CSMD1: variants seen among roughly 807,000 people sequenced by gnomAD.
CSMD1 encodes the protein CUB and Sushi multiple domains 1, also known as CUB and sushi domain-containing protein 1.
A neutral mutation model predicts 417.5 loss-of-function variants in CSMD1; 213 were observed. That is an observed-to-expected ratio of 0.51 (90% confidence interval 0.46 to 0.57). The LOEUF (loss-of-function observed/expected upper bound fraction) is 0.57. CSMD1 is among the 20% of genes least tolerant of loss of function. The probability of loss-of-function intolerance (pLI) is 0.00; values close to 1 mark genes in which losing one functional copy is unlikely to be tolerated. For synonymous variants in CSMD1, 2,862 were observed against 1,736.8 expected, an observed-to-expected ratio of 1.65 and a Z score of -16.11; for missense variants, 6,923 against 4,529.7, an observed-to-expected ratio of 1.53 and a Z score of -15.17.
At chr8:3,853,403 A>G (rs866405032) in intron 5 of CSMD1, among the ~76,000 whole-genome samples, 79 of 152,294 alleles carry the variant, frequency 5.2e-4, no homozygotes, top group African/African-American at 1.8e-3. Context: ...AGCACGCTCT[A>G]TAATTTACTT....
chr8:4,027,736 C>T (rs1006567075), intron 4 of CSMD1, among the ~76,000 whole-genome samples: 1 of 151,974 alleles, frequency 6.6e-6, no homozygotes, highest in Non-Finnish European at 1.5e-5. Flanking sequence ...AAACTTGAAG[C>T]CAGTCTGTTT....
At chr8:4,029,954 T>A (rs998910373) in intron 4 of CSMD1, among the ~76,000 whole-genome samples, 3 of 152,174 alleles carry the variant, frequency 2.0e-5, no homozygotes, top group Non-Finnish European at 4.4e-5. Flanking sequence ...GGCAGTCAAA[T>A]CTTAAAGCTC....
chr8:3,498,258 T>G (rs146770972), intron 10 of CSMD1, among the ~76,000 whole-genome samples: 1 of 152,232 alleles, frequency 6.6e-6, no homozygotes, highest in African/African-American at 2.4e-5. Flanking sequence ...TTTTTTATTA[T>G]GTATTTATAT....
chr8:2,986,722 T>C (rs2128944142), intron 54 of CSMD1, among the ~76,000 whole-genome samples: 1 of 152,198 alleles, frequency 6.6e-6, no homozygotes, highest in East Asian at 1.9e-4. Flanking sequence ...GCCAGGATGG[T>C]TTTGATCTCC....
intron 51 of CSMD1, among the ~76,000 whole-genome samples, chr8:3,021,200 T>A (rs1236341041): frequency 1.3e-5 from 2 of 152,258 alleles, no homozygotes; most frequent in African/African-American, 4.8e-5. Context: ...TTGAAGCCTC[T>A]GTTAAAAATA....
chr8:3,244,433 T>A (rs1799748443), intron 26 of CSMD1, among the ~76,000 whole-genome samples: 1 of 152,140 alleles, frequency 6.6e-6, no homozygotes, highest in Non-Finnish European at 1.5e-5. Flanking sequence ...CATCCCTTTT[T>A]AATGGCCAGG....
intron 2 of CSMD1, among the ~76,000 whole-genome samples, chr8:4,557,380 G>A (rs1033880317): frequency 1.3e-5 from 2 of 151,326 alleles, no homozygotes; most frequent in Non-Finnish European, 2.9e-5. Context: ...TAATTTGATA[G>A]CATTATCTAA....
chr8:4,616,971 T>TG (rs34286593), intron 2 of CSMD1, among the ~76,000 whole-genome samples: 45,409 of 151,796 alleles, frequency 0.3, 8,293 homozygotes, highest in African/African-American at 0.5. Context: ...AGATTTCTTT[T>TG]TTTTACCTAA....
At chr8:4,407,629 A>T (rs1353729806) in intron 3 of CSMD1, among the ~76,000 whole-genome samples, 1 of 152,224 alleles carries the variant, frequency 6.6e-6, no homozygotes, top group East Asian at 1.9e-4. Context: ...ATTGGAATTC[A>T]TTGTAAATAC....
At chr8:4,415,275 G>A (rs184435732) in intron 3 of CSMD1, among the ~76,000 whole-genome samples, 1 of 152,054 alleles carries the variant, frequency 6.6e-6, no homozygotes, top group Non-Finnish European at 1.5e-5. Context: ...CCCTCCTCCT[G>A]TAAACCACAT....
chr8:4,563,651 G>C (rs778449286), intron 2 of CSMD1, among the ~76,000 whole-genome samples: 6 of 152,074 alleles, frequency 3.9e-5, no homozygotes, highest in Non-Finnish European at 5.9e-5. Context: ...AAACCTAAAA[G>C]TGATGTAAAA....
intron 2 of CSMD1, among the ~76,000 whole-genome samples, chr8:4,429,276 G>A (rs1797736929): frequency 6.6e-6 from 1 of 151,896 alleles, no homozygotes; most frequent in Non-Finnish European, 1.5e-5. Flanking sequence ...ACTTCTTGTT[G>A]AAGAGAATAA....
chr8:2,993,340 T>A (rs1294952023), intron 54 of CSMD1, among the ~76,000 whole-genome samples: 1 of 152,200 alleles, frequency 6.6e-6, no homozygotes, highest in Non-Finnish European at 1.5e-5. Context: ...GGTAAGGTTA[T>A]ATTTTCCTCC....
intron 3 of CSMD1, among the ~76,000 whole-genome samples, chr8:4,065,981 A>T (rs545093840): frequency 6.6e-6 from 1 of 152,216 alleles, no homozygotes; most frequent in Non-Finnish European, 1.5e-5. Context: ...GTGAAAAATA[A>T]AATAGGGGAA....
chr8:3,340,981 T>C (rs1010156036), intron 23 of CSMD1, among the ~76,000 whole-genome samples: 1 of 152,220 alleles, frequency 6.6e-6, no homozygotes, highest in Non-Finnish European at 1.5e-5. Flanking sequence ...AGAACATTTG[T>C]GCTACTATGT....
intron 27 of CSMD1, among the ~76,000 whole-genome samples, chr8:3,225,070 T>A (rs912313441): frequency 1.3e-5 from 2 of 152,230 alleles, no homozygotes; most frequent in African/African-American, 4.8e-5. Flanking sequence ...AATGTCTTAA[T>A]TGCTGATTTT....
intron 2 of CSMD1, among the ~76,000 whole-genome samples, chr8:4,548,010 T>G (rs1797705855): frequency 6.6e-6 from 1 of 152,190 alleles, no homozygotes; most frequent in African/African-American, 2.4e-5. Flanking sequence ...AGCAATCCAG[T>G]ACTCCCTTTA....
chr8:4,314,247 G>A (rs564150017), intron 3 of CSMD1, among the ~76,000 whole-genome samples: 2 of 152,088 alleles, frequency 1.3e-5, no homozygotes, highest in South Asian at 2.1e-4. Flanking sequence ...AATGCCACAT[G>A]GAATACAACA....
At chr8:3,815,906 A>C (rs1268454455) in intron 5 of CSMD1, among the ~76,000 whole-genome samples, 3 of 152,224 alleles carry the variant, frequency 2.0e-5, no homozygotes, top group Non-Finnish European at 4.4e-5. Flanking sequence ...TCAAGAGTAA[A>C]TAGAAAGAGG....
Sources: gnomAD v4.1 joint callset for allele counts (sites outside exome capture counted in the v4.1 genomes callset) on GRCh38, gnomAD v4.1.1 for gene constraint, MANE v1.5 for transcripts, NCBI Gene and HGNC (gene_info 2026-07-23, HGNC 2026-07-21) for gene names.